LRRTM3: variants seen among roughly 807,000 people sequenced by gnomAD.
LRRTM3 encodes the protein leucine rich repeat transmembrane neuronal 3.
LRRTM3 carries 24 observed loss-of-function variants against 44.7 expected under a neutral mutation model. The observed-to-expected ratio is 0.54, with a 90% CI of 0.39 to 0.76. LRRTM3 has a LOEUF of 0.76. Ranked by LOEUF, LRRTM3 falls within the 30% of genes least tolerant of loss-of-function variation. The probability of loss-of-function intolerance (pLI) is 0.00; values close to 1 mark genes in which losing one functional copy is unlikely to be tolerated. For synonymous variants in LRRTM3, 277 were observed against 278.7 expected (o/e 0.99, Z 0.06); for missense variants, 587 against 702.2 (o/e 0.84, Z 1.85).
chr10:67,094,176 TATAA>T (rs1164437856), intron 2 of LRRTM3, among the ~76,000 whole-genome samples: 1 of 151,980 alleles, frequency 6.6e-6, no homozygotes, highest in Non-Finnish European at 1.5e-5. Flanking sequence ...ATTTTCTCAT[TATAA>T]ATAATTAGAA....
chr10:67,023,353 C>T (rs1190213767), intron 2 of LRRTM3, among the ~76,000 whole-genome samples: 2 of 152,088 alleles, frequency 1.3e-5, no homozygotes, highest in African/African-American at 2.4e-5. Context: ...TTCCTCATGG[C>T]TTTTCATGCT....
intron 2 of LRRTM3, among the ~76,000 whole-genome samples, chr10:67,001,217 C>T (rs1048703017): frequency 6.7e-6 from 1 of 150,012 alleles, no homozygotes; most frequent in African/African-American, 2.5e-5. Context: ...AGGAGAATCG[C>T]TTGAACCAGG....
chr10:67,060,409 T>C (rs965200715), intron 2 of LRRTM3, among the ~76,000 whole-genome samples: 4 of 152,220 alleles, frequency 2.6e-5, no homozygotes, highest in Non-Finnish European at 4.4e-5. Flanking sequence ...TGTTCTAGTA[T>C]TGAAGCACTT....
chr10:66,995,248 G>A (rs1851265255), intron 2 of LRRTM3, among the ~76,000 whole-genome samples: 1 of 152,108 alleles, frequency 6.6e-6, no homozygotes, highest in Non-Finnish European at 1.5e-5. Flanking sequence ...CTCTATGACA[G>A]AACCTTGGGT....
intron 2 of LRRTM3, among the ~76,000 whole-genome samples, chr10:66,950,113 T>G (rs1180938787): frequency 6.6e-6 from 1 of 152,202 alleles, no homozygotes; most frequent in East Asian, 1.9e-4. Flanking sequence ...ATCTCTAATT[T>G]GCTCAAATTA....
intron 2 of LRRTM3, among the ~76,000 whole-genome samples, chr10:66,928,911 G>C (rs986691444): frequency 6.6e-6 from 1 of 152,180 alleles, no homozygotes; most frequent in African/African-American, 2.4e-5. Context: ...TCTTGGAGAT[G>C]ACTCAGTTAT....
intron 2 of LRRTM3, among the ~76,000 whole-genome samples, chr10:67,074,495 C>T (rs903652983): frequency 1.3e-5 from 2 of 151,690 alleles, no homozygotes; most frequent in Non-Finnish European, 2.9e-5. Context: ...GGACTACAGG[C>T]GCCCACCACC....
Position 67,097,988 on chromosome 10 carries a change from A to G in LRRTM3, c.*192A>G, listed in dbSNP as rs576149011. On this transcript the variant is annotated 3_prime_UTR_variant, in exon 3 of 3. Transcript: ENST00000361320. ...TGTTTTAAGTCTACACTTTGTAATT[A>G]GCTAAGTTGTGCAGTATTTTTTGAC... 1.7e-6 allele frequency: 1 copy of G among 588,854 alleles called. No homozygotes were observed. Among genetic ancestry groups the G allele is most frequent in the Admixed American group, 3.0e-5 (1 of 33,120 alleles). 36.5% of individuals were successfully genotyped at this position (588,854 alleles called of 1,614,324 possible). A position where few individuals can be genotyped will look rare whatever the true frequency, so the allele number is the denominator to read the frequency against.
intron 2 of LRRTM3, among the ~76,000 whole-genome samples, chr10:66,936,962 G>A (rs1382723390): frequency 6.6e-6 from 1 of 152,106 alleles, no homozygotes; most frequent in East Asian, 1.9e-4. Flanking sequence ...AAAGACCTTT[G>A]TAAAGCACTC....
intron 2 of LRRTM3, among the ~76,000 whole-genome samples, chr10:66,959,454 C>T (rs1007366018): frequency 1.8e-4 from 27 of 152,058 alleles, no homozygotes; most frequent in African/African-American, 5.1e-4. Flanking sequence ...TCCACTTCTG[C>T]GGCAATTGGG....
intron 2 of LRRTM3, among the ~76,000 whole-genome samples, chr10:67,074,586 G>C (rs1170392323): frequency 6.6e-6 from 1 of 151,440 alleles, no homozygotes; most frequent in Non-Finnish European, 1.5e-5. Context: ...TCCTGACCTT[G>C]TAATCCACCC....
chr10:67,031,845 A>G (rs1178794554), intron 2 of LRRTM3, among the ~76,000 whole-genome samples: 1 of 152,208 alleles, frequency 6.6e-6, no homozygotes, highest in African/African-American at 2.4e-5. Flanking sequence ...ATCAGAGGTC[A>G]TTTTGAGCAG....
At chr10:67,096,996 T>A (rs1435588749) in intron 2 of LRRTM3, among the ~76,000 whole-genome samples, 2 of 151,930 alleles carry the variant, frequency 1.3e-5, no homozygotes, top group Non-Finnish European at 2.9e-5. Context: ...GTCTAGATAA[T>A]TCTCTTCTGC....
rs1025928497 is a variant in LRRTM3 at position 66,928,034 on chromosome 10, G to C, written c.1118G>C (p.Arg373Thr). The change falls in exon 2 of 3, where the codon AGG becomes ACG. Residue 373 changes from arginine to threonine, a missense_variant. By Grantham distance (71) the Arg-to-Thr change is moderately conservative. Around this residue, in one of 3 missense-constraint regions of LRRTM3, gnomAD observed 315 missense variants for 335.6 expected, o/e 0.94. Coordinates refer to ENST00000361320, the MANE Select transcript of LRRTM3 (RefSeq NM_178011.5). ...KSTTERFDLA[R>T]ALPKPTFKPK... ...ACTACAGAGAGGTTTGATCTGGCCA[G>C]GGCTCTCCCAAAGCCGACGTTTAAG... 1.2e-6 allele frequency: 2 copies of C among 1,614,110 alleles called. No homozygotes were observed. Among genetic ancestry groups the C allele is most frequent in the African/African-American group, 2.7e-5 (2 of 75,060 alleles).
intron 2 of LRRTM3, among the ~76,000 whole-genome samples, chr10:66,960,201 CAATGAAAATGTGTA>C (rs1203401415): frequency 3.9e-5 from 6 of 151,988 alleles, no homozygotes; most frequent in Non-Finnish European, 7.4e-5. Flanking sequence ...ACCATTTTCA[CAATGAAAATGTGTA>C]GAATTTAAAA....
At chr10:67,084,012 G>C (rs1479297326) in intron 2 of LRRTM3, among the ~76,000 whole-genome samples, 1 of 152,122 alleles carries the variant, frequency 6.6e-6, no homozygotes, top group East Asian at 1.9e-4. Context: ...CCAGTTCAAG[G>C]AAGAGGTTCG....
At chr10:66,996,649 C>CAAAAAAACAAAAAAAAAAAA (rs1851364782) in intron 2 of LRRTM3, among the ~76,000 whole-genome samples, 1 of 67,644 alleles carries the variant, frequency 1.5e-5, no homozygotes, top group Admixed American at 2.7e-4. Flanking sequence ...TCCGTCTCTA[C>CAAAAAAACAAAAAAAAAAAA]AAAAAAAAAA....
At chr10:66,981,967 C>A (rs1042329191) in intron 2 of LRRTM3, among the ~76,000 whole-genome samples, 1 of 152,114 alleles carries the variant, frequency 6.6e-6, no homozygotes, top group Non-Finnish European at 1.5e-5. Context: ...AGCTGTCTGT[C>A]GATTTTTCTA....
At chr10:66,994,922 G>T (rs967242622) in intron 2 of LRRTM3, among the ~76,000 whole-genome samples, 3 of 152,132 alleles carry the variant, frequency 2.0e-5, no homozygotes, top group African/African-American at 7.2e-5. Context: ...GAAAACATGG[G>T]CTCAGCTAAT....
Sources: gnomAD v4.1 joint callset for allele counts (sites outside exome capture counted in the v4.1 genomes callset) on GRCh38, gnomAD v4.1.1 for gene constraint, gnomAD v4.1.1 regional missense constraint, MANE v1.5 for transcripts, NCBI Gene and HGNC (gene_info 2026-07-23, HGNC 2026-07-21) for gene names.